CHIC1: variants seen among roughly 807,000 people sequenced by gnomAD.
The protein encoded by CHIC1 is cysteine-rich hydrophobic domain-containing protein 1.
CHIC1 carries 7 observed loss-of-function variants against 18.5 expected under a neutral mutation model. That is an observed-to-expected ratio of 0.38 (90% CI 0.22 to 0.71). CHIC1 has a LOEUF of 0.71. Among genes scored for constraint, CHIC1 ranks in the 30% least tolerant of loss-of-function variants. The probability of loss-of-function intolerance (pLI) is 0.49; values close to 1 mark genes in which losing one functional copy is unlikely to be tolerated. For synonymous variants in CHIC1, 77 were observed against 73.5 expected, an observed-to-expected ratio of 1.05 and a Z score of -0.25; for missense variants, 159 against 176.9, an observed-to-expected ratio of 0.90 and a Z score of 0.57.
intron 3 of CHIC1, among the ~76,000 whole-genome samples, chrX:73,617,952 A>G (rs1017028302): frequency 8.9e-6 from 1 of 111,880 alleles, no homozygotes; most frequent in Non-Finnish European, 1.9e-5. Flanking sequence ...TGCTGTTCAG[A>G]TTCTTTTGTC....
rs916594407 is a variant in CHIC1, at chrX:73,686,380, G to A, written c.*5375G>A. ...GAATATCACTGGCCTAATTTATTTAGGTGTGTACATGTTGCTCATACATAC... is the reference window on the plus strand; with the variant it reads ...GAATATCACTGGCCTAATTTATTTAAGTGTGTACATGTTGCTCATACATAC... On this transcript the variant is annotated 3_prime_UTR_variant, in exon 6 of 6. Coordinates refer to ENST00000373502, the MANE Select transcript of CHIC1 (RefSeq NM_001039840.4). The A allele has an allele frequency of 1.8e-5, 2 of 110,583 alleles. No individual in the cohort carries two copies. The highest frequency in any genetic ancestry group is 6.6e-5 in the African/African-American group (2 of 30,494). The allele number at this position is 110,583 out of a possible 1,213,427, so 9.1% of individuals were successfully genotyped here.
intron 3 of CHIC1, among the ~76,000 whole-genome samples, chrX:73,643,660 C>T (rs900028943): frequency 2.6e-4 from 29 of 112,083 alleles, no homozygotes; most frequent in African/African-American, 8.4e-4. Flanking sequence ...TTGATCGCAT[C>T]GGCTCCTGAG....
intron 3 of CHIC1, among the ~76,000 whole-genome samples, chrX:73,641,822 T>A (rs2057858210): frequency 1.8e-5 from 2 of 111,239 alleles, no homozygotes; most frequent in Admixed American, 1.9e-4. Flanking sequence ...TCCAATTTCA[T>A]CCATGTCCCT....
intron 3 of CHIC1, among the ~76,000 whole-genome samples, chrX:73,661,036 C>T (rs192345122): frequency 9.3e-4 from 103 of 111,060 alleles, no homozygotes; most frequent in African/African-American, 3.1e-3. Flanking sequence ...TTAAGGGTGG[C>T]GTGGGTACGT....
In CHIC1 at chrX:73,612,214, G is replaced by C. The variant is rs1000371262; in HGVS notation, c.507+27642G>C. The stretch of plus-strand genomic sequence containing the variant: ...ATTTTTGTATAAGTTGTATGGAAGG[G>C]ATCCAGTTTCAGCTTTCTACATATG... On this transcript the variant is annotated intron_variant, in intron 3 of 5. Transcript: ENST00000373502. Among the ~76,000 whole-genome samples, 4 of 111,778 alleles carry C rather than the reference G, an allele frequency of 3.6e-5. No individual in the cohort carries two copies. In the Admixed American group the frequency reaches 3.8e-4, roughly 11 times the overall value.
In CHIC1 at chrX:73,686,558, T is replaced by C. The variant is rs1455060036; in HGVS notation, c.*5553T>C. On this transcript the variant is annotated 3_prime_UTR_variant, in exon 6 of 6. Transcript: ENST00000373502. ...TTTCTCAAATGTTCTTTTATTTCTT[T>C]GTTTTTATCTCGACTTTTTATTTTC... The C allele has an allele frequency of 8.9e-6, 1 of 112,199 alleles. No homozygotes were observed. Among genetic ancestry groups the C allele is most frequent in the Non-Finnish European group, 1.9e-5 (1 of 53,100 alleles). 9.2% of individuals were successfully genotyped at this position (112,199 alleles called of 1,213,427 possible). A position where few individuals can be genotyped will look rare whatever the true frequency, so the allele number is the denominator to read the frequency against.
chrX:73,612,697 A>T (rs1444347714), intron 3 of CHIC1, among the ~76,000 whole-genome samples: 1 of 111,845 alleles, frequency 8.9e-6, no homozygotes, highest in African/African-American at 3.2e-5. Context: ...GAGTTTTTAA[A>T]ATTTGTTGAT....
At chrX:73,591,965 G>T (rs1275941546) in intron 3 of CHIC1, among the ~76,000 whole-genome samples, 1 of 111,261 alleles carries the variant, frequency 9.0e-6, no homozygotes, top group African/African-American at 3.3e-5. Context: ...CTTAAATACT[G>T]TGTTGACTAT....
At chrX:73,632,720 G>T (rs1612053) in intron 3 of CHIC1, among the ~76,000 whole-genome samples, 1 of 103,341 alleles carries the variant, frequency 9.7e-6, no homozygotes, top group African/African-American at 3.6e-5. Context: ...TTTAACTTTT[G>T]TCATAGAGAT....
At chrX:73,652,815 G>A (rs1044756866) in intron 3 of CHIC1, among the ~76,000 whole-genome samples, 1 of 112,165 alleles carries the variant, frequency 8.9e-6, no homozygotes, top group Non-Finnish European at 1.9e-5. Flanking sequence ...GTGGAAGACA[G>A]TGTGGTGATT....
At chrX:73,590,157 C>T (rs887637859) in intron 3 of CHIC1, among the ~76,000 whole-genome samples, 2 of 110,525 alleles carry the variant, frequency 1.8e-5, no homozygotes, top group Non-Finnish European at 3.8e-5. Flanking sequence ...TGTGCAGTTT[C>T]AAATTAATAT....
intron 3 of CHIC1, among the ~76,000 whole-genome samples, chrX:73,615,842 T>C (rs1176658468): frequency 9.0e-6 from 1 of 111,009 alleles, no homozygotes; most frequent in Non-Finnish European, 1.9e-5. Context: ...GGGTTGCTTT[T>C]AGTGTCAGTG....
At chrX:73,655,308 GTATA>G (rs758106293) in intron 3 of CHIC1, among the ~76,000 whole-genome samples, 15 of 102,931 alleles carry the variant, frequency 1.5e-4, no homozygotes, top group African/African-American at 5.0e-4. Context: ...ATGTGTGTAT[GTATA>G]TATATACACA....
In CHIC1 at chrX:73,681,105, T is replaced by C. The variant is rs2058097383; in HGVS notation, c.*100T>C. Reference sequence around the variant, plus strand: ...GGTCTCCTTTGCTGTGTTCAACTTATTCTTTATAATGGTAGAATATTCTTC... The same window carrying C: ...GGTCTCCTTTGCTGTGTTCAACTTACTCTTTATAATGGTAGAATATTCTTC... On this transcript the variant is annotated 3_prime_UTR_variant, in exon 6 of 6. Transcript: ENST00000373502. 1 of 495,297 alleles carries C rather than the reference T, an allele frequency of 2.0e-6. No homozygotes were observed. The highest frequency in any genetic ancestry group is 3.4e-6 in the Non-Finnish European group (1 of 294,706). 40.8% of individuals were successfully genotyped at this position (495,297 alleles called of 1,213,427 possible).
rs2058101485 is a variant in CHIC1, at chrX:73,682,084, T to A, written c.*1079T>A. 9.0e-6 allele frequency: 1 copy of A among 111,509 alleles called. No individual in the cohort carries two copies. Among genetic ancestry groups the A allele is most frequent in the Non-Finnish European group, 1.9e-5 (1 of 52,821 alleles). The allele number at this position is 111,509 out of a possible 1,213,427, so 9.2% of individuals were successfully genotyped here. On this transcript the variant is annotated 3_prime_UTR_variant, in exon 6 of 6. Transcript: ENST00000373502. The stretch of plus-strand genomic sequence containing the variant: ...CTTTCTGCAGTTCTGATATTCTAGT[T>A]TGAGAAAGAGAGAGAACTATTTGAG...
At chrX:73,586,799 A>G (rs1388984297) in intron 3 of CHIC1, among the ~76,000 whole-genome samples, 1 of 112,003 alleles carries the variant, frequency 8.9e-6, no homozygotes, top group Non-Finnish European at 1.9e-5. Context: ...TCCTGAGACC[A>G]GAAATGTTTG....
intron 3 of CHIC1, among the ~76,000 whole-genome samples, chrX:73,678,523 C>T (rs946240376): frequency 8.9e-6 from 1 of 111,987 alleles, no homozygotes; most frequent in African/African-American, 3.2e-5. Flanking sequence ...GACGTAGGTG[C>T]TGGCAGTGTC....
Position 73,589,068 on chromosome X carries a change from C to T in CHIC1, c.507+4496C>T, listed in dbSNP as rs1254645313. ...TCTCCACTCTATTTTTTCCTTTTTT[C>T]TGCTATGTTTGGGTTTAGTTTGCTC... On this transcript the variant is annotated intron_variant, in intron 3 of 5. Coordinates refer to ENST00000373502, the MANE Select transcript of CHIC1 (RefSeq NM_001039840.4). Among the ~76,000 whole-genome samples, 4 of 108,897 alleles carry T rather than the reference C, an allele frequency of 3.7e-5. No individual in the cohort carries two copies. In the South Asian group the frequency reaches 1.5e-3, roughly 41 times the overall value. The allele number at this position is 108,897 out of a possible 115,157, so 94.6% of individuals were successfully genotyped here. A position where few individuals can be genotyped will look rare whatever the true frequency, so the allele number is the denominator to read the frequency against.
At chrX:73,599,465 G>C (rs1350734515) in intron 3 of CHIC1, among the ~76,000 whole-genome samples, 4 of 96,832 alleles carry the variant, frequency 4.1e-5, no homozygotes, top group African/African-American at 1.8e-4. Flanking sequence ...TATGGTTTTA[G>C]GTCTAACGTT....
Sources: gnomAD v4.1 joint callset for allele counts (sites outside exome capture counted in the v4.1 genomes callset) on GRCh38, gnomAD v4.1.1 for gene constraint, MANE v1.5 for transcripts, NCBI Gene and HGNC (gene_info 2026-07-23, HGNC 2026-07-21) for gene names.